HPS3: variants seen among roughly 807,000 people sequenced by gnomAD.
HPS3 encodes BLOC-2 complex member HPS3.
HPS3 carries 79 observed loss-of-function variants against 110.9 expected under a neutral mutation model. The observed-to-expected ratio is 0.71, with a 90% CI of 0.59 to 0.86. The LOEUF (loss-of-function observed/expected upper bound fraction) is 0.86. HPS3 is among the 40% of genes least tolerant of loss of function. The probability of loss-of-function intolerance (pLI) is 0.00; values close to 1 mark genes in which losing one functional copy is unlikely to be tolerated. For synonymous variants in HPS3, 428 were observed against 451.0 expected, an observed-to-expected ratio of 0.95 and a Z score of 0.65; for missense variants, 1,197 against 1,206.2, an observed-to-expected ratio of 0.99 and a Z score of 0.11.
chr3:149,143,248 G>T (rs770032399), intron 4 of HPS3, among the ~76,000 whole-genome samples: 1 of 152,098 alleles, frequency 6.6e-6, no homozygotes, highest in Non-Finnish European at 1.5e-5. Context: ...ATCCATAGTG[G>T]CCTTTCCCTC....
At position 149,162,030 on chromosome 3, in the gene HPS3, A is replaced by T. The variant is rs959981029; in HGVS notation, c.2107-118A>T. Reference sequence around the variant, plus strand: ...CTTTATAGTCAAAGAAAAAATTGTGATTAAATTATTAATAGCTTAACCATG... The same window carrying T: ...CTTTATAGTCAAAGAAAAAATTGTGTTTAAATTATTAATAGCTTAACCATG... On this transcript the variant is annotated intron_variant, in intron 11 of 16. Coordinates refer to ENST00000296051, the MANE Select transcript of HPS3 (RefSeq NM_032383.5). The T allele has an allele frequency of 8.4e-6, 7 of 837,044 alleles. No homozygotes were observed. In the East Asian group the frequency reaches 1.6e-4, roughly 19 times the overall value. 51.9% of individuals were successfully genotyped at this position (837,044 alleles called of 1,614,324 possible).
Position 149,162,396 on chromosome 3 carries a change from C to A in HPS3, c.2292+63C>A, listed in dbSNP as rs34470330. 44,971 of 1,418,352 alleles carry A rather than the reference C, an allele frequency of 0.032. 887 individuals are homozygous for A. Among genetic ancestry groups the A allele is most frequent in the Middle Eastern group, 0.053 (295 of 5,588 alleles). 87.9% of individuals were successfully genotyped at this position (1,418,352 alleles called of 1,614,324 possible). A position where few individuals can be genotyped will look rare whatever the true frequency, so the allele number is the denominator to read the frequency against. On this transcript the variant is annotated intron_variant, in intron 12 of 16. Transcript: ENST00000296051. ...TCATTAAATTGGTGGTGGGGAGGGA[C>A]AGAATAAGAGAAGTGAGTTTTTCAT...
At chr3:149,139,086 A>G (rs1270195976) in intron 1 of HPS3, among the ~76,000 whole-genome samples, 3 of 152,236 alleles carry the variant, frequency 2.0e-5, no homozygotes, top group African/African-American at 7.2e-5. Flanking sequence ...TTACTATGAA[A>G]CATAGTGGCA....
intron 8 of HPS3, among the ~76,000 whole-genome samples, chr3:149,156,628 C>T (rs892391270): frequency 2.0e-5 from 3 of 150,450 alleles, no homozygotes; most frequent in African/African-American, 7.4e-5. Context: ...CAGAATATTG[C>T]ATAGGTGATT....
intron 15 of HPS3, 124 bp downstream of exon 15, chr3:149,167,364 C>A: frequency 1.3e-6 from 1 of 756,544 alleles, no homozygotes; most frequent in Non-Finnish European, 2.3e-6. Flanking sequence ...TGTGTGGGTC[C>A]ATTGAGCATA....
chr3:149,167,257 T>G lies in HPS3; in HGVS notation c.2796+17T>G. 6.3e-7 allele frequency: 1 copy of G among 1,592,184 alleles called. No individual in the cohort carries two copies. The highest frequency in any genetic ancestry group is 8.6e-7 in the Non-Finnish European group (1 of 1,164,380). On this transcript the variant is annotated intron_variant, in intron 15 of 16. Coordinates refer to ENST00000296051, the MANE Select transcript of HPS3 (RefSeq NM_032383.5). ...GAGAACCGGGTATGCTTTTTCAGATTATGTTTTTAGGCTTGATCAGTGATA... is the reference window on the plus strand; with the variant it reads ...GAGAACCGGGTATGCTTTTTCAGATGATGTTTTTAGGCTTGATCAGTGATA...
intron 1 of HPS3, among the ~76,000 whole-genome samples, chr3:149,139,699 C>A (rs1327117200): frequency 1.3e-5 from 2 of 152,176 alleles, no homozygotes; most frequent in African/African-American, 4.8e-5. Flanking sequence ...TTTGTTAGAA[C>A]TGCAGATTTA....
chr3:149,166,436 G>A (rs1301423451), intron 14 of HPS3, among the ~76,000 whole-genome samples: 1 of 152,126 alleles, frequency 6.6e-6, no homozygotes, highest in African/African-American at 2.4e-5. Flanking sequence ...ATGCTCTTCC[G>A]ACAGTATTTC....
chr3:149,152,154 A>G (rs1017196485), intron 6 of HPS3, among the ~76,000 whole-genome samples: 1 of 152,194 alleles, frequency 6.6e-6, no homozygotes, highest in Non-Finnish European at 1.5e-5. Context: ...GGCCTTTTTG[A>G]GAGATTACTT....
intron 5 of HPS3, among the ~76,000 whole-genome samples, chr3:149,149,262 C>T (rs1427718879): frequency 1.3e-5 from 2 of 151,704 alleles, no homozygotes; most frequent in East Asian, 3.9e-4. Context: ...CACGCCTGGC[C>T]GAAACCCTGC....
intron 11 of HPS3, among the ~76,000 whole-genome samples, chr3:149,161,712 GT>G (rs200508268): frequency 0.029 from 4,350 of 152,058 alleles, 72 homozygotes; most frequent in South Asian, 0.045. Flanking sequence ...GTTTTACCAT[GT>G]TGGCCAGGCT....
intron 8 of HPS3, among the ~76,000 whole-genome samples, chr3:149,155,878 T>TA (rs1311951697): frequency 6.6e-6 from 1 of 151,900 alleles, no homozygotes; most frequent in East Asian, 1.9e-4. Context: ...TACAAAAAAT[T>TA]AAAAAATTAG....
intron 1 of HPS3, among the ~76,000 whole-genome samples, chr3:149,133,854 T>A (rs984841186): frequency 1.3e-5 from 2 of 152,236 alleles, no homozygotes; most frequent in African/African-American, 4.8e-5. Flanking sequence ...GACTATAATC[T>A]AGTACAAACA....
intron 5 of HPS3, among the ~76,000 whole-genome samples, chr3:149,145,839 G>A (rs1205777998): frequency 6.6e-6 from 1 of 152,158 alleles, no homozygotes; most frequent in Non-Finnish European, 1.5e-5. Flanking sequence ...AAAAGTCAAT[G>A]CAGCCAGTCA....
chr3:149,143,376 G>T (rs1722603385), intron 4 of HPS3, among the ~76,000 whole-genome samples: 1 of 152,188 alleles, frequency 6.6e-6, no homozygotes, highest in Admixed American at 6.5e-5. Context: ...GTTCGCAGCT[G>T]AAGTGTAACT....
At chr3:149,168,844 T>C (rs921844586) in intron 16 of HPS3, among the ~76,000 whole-genome samples, 1 of 152,144 alleles carries the variant, frequency 6.6e-6, no homozygotes, top group Non-Finnish European at 1.5e-5. Flanking sequence ...TATCACTGAC[T>C]GTTTGTGTTA....
chr3:149,130,648 T>C (rs1721709807), intron 1 of HPS3, among the ~76,000 whole-genome samples: 1 of 152,078 alleles, frequency 6.6e-6, no homozygotes, highest in African/African-American at 2.4e-5. Context: ...GACGTGGTGG[T>C]GGGCGCCTGT....
At position 149,140,207 on chromosome 3, in the gene HPS3, T is replaced by C; in HGVS notation, c.421T>C (p.Cys141Arg). Residue 141 changes from cysteine to arginine, a missense_variant, in exon 2 of 17, where the codon TGT (cysteine) becomes CGT (arginine). Transcript: ENST00000296051. ...TTCGGAGGCCCCCTTGTGCATTTCC[T>C]GTTGCCCTGTGAAAGGAGACCTTCT... is the stretch of plus-strand genomic sequence containing the variant. ...PLSEAPLCIS[C>R]CPVKGDLLVG... The C allele has an allele frequency of 1.9e-6, 3 of 1,614,234 alleles. No homozygotes were observed. The highest frequency in any genetic ancestry group is 2.5e-6 in the Non-Finnish European group (3 of 1,180,024).
At chr3:149,162,389 G>A (rs1178201983) in intron 12 of HPS3, 56 bp downstream of exon 12, 11 of 1,474,826 alleles carry the variant, frequency 7.5e-6, no homozygotes, top group Non-Finnish European at 1.0e-5. Flanking sequence ...TTGGTGGTGG[G>A]GAGGGACAGA....
Sources: gnomAD v4.1 joint callset for allele counts (sites outside exome capture counted in the v4.1 genomes callset) on GRCh38, gnomAD v4.1.1 for gene constraint, MANE v1.5 for transcripts, NCBI Gene and HGNC (gene_info 2026-07-23, HGNC 2026-07-21) for gene names.